The following NTM variants were observed in gnomAD, a reference collection of about 807,000 sequenced individuals.
NTM encodes neurotrimin.
In NTM, 13 loss-of-function variants were observed where a neutral mutation model predicts 42.1. That is an observed-to-expected ratio of 0.31 (90% CI 0.20 to 0.49). The LOEUF is 0.49. Among genes scored for constraint, NTM ranks in the 20% least tolerant of loss-of-function variants. NTM has a pLI of 0.99. For synonymous variants in NTM, 187 were observed against 179.2 expected, an observed-to-expected ratio of 1.04 and a Z score of -0.35; for missense variants, 373 against 452.8, an observed-to-expected ratio of 0.82 and a Z score of 1.60.
intron 1 of NTM, among the ~76,000 whole-genome samples, chr11:131,667,832 C>T (rs1487506752): frequency 6.6e-6 from 1 of 152,182 alleles, no homozygotes; most frequent in Non-Finnish European, 1.5e-5. Flanking sequence ...TGGGCCTGGG[C>T]ATCCGCAGGT....
intron 1 of NTM, among the ~76,000 whole-genome samples, chr11:131,705,126 C>T (rs1278532706): frequency 2.0e-5 from 3 of 152,136 alleles, no homozygotes; most frequent in African/African-American, 7.2e-5. Flanking sequence ...TCCATGATTC[C>T]AAAACAACCC....
At chr11:132,253,497 C>G (rs2092184265) in intron 4 of NTM, among the ~76,000 whole-genome samples, 1 of 152,192 alleles carries the variant, frequency 6.6e-6, no homozygotes, top group African/African-American at 2.4e-5. Flanking sequence ...ATAAATTTAG[C>G]AGCCTGTCTA....
intron 1 of NTM, chr11:131,661,100 T>C (rs1031294437): frequency 2.1e-5 from 25 of 1,209,456 alleles, no homozygotes; most frequent in Non-Finnish European, 2.7e-5. Context: ...GGGGGGGTCT[T>C]CCCCCTAGAT....
intron 1 of NTM, among the ~76,000 whole-genome samples, chr11:131,693,765 A>G (rs750689360): frequency 5.3e-5 from 8 of 152,118 alleles, no homozygotes; most frequent in Non-Finnish European, 8.8e-5. Flanking sequence ...TATCTTTTCA[A>G]TGAGCTGCAG....
At chr11:131,594,190 T>C (rs2059621305) in intron 1 of NTM, among the ~76,000 whole-genome samples, 1 of 152,166 alleles carries the variant, frequency 6.6e-6, no homozygotes, top group Non-Finnish European at 1.5e-5. Flanking sequence ...TCTAATTCAT[T>C]TGTCATTTGT....
intron 4 of NTM, among the ~76,000 whole-genome samples, chr11:132,220,731 A>T (rs2084974105): frequency 6.6e-6 from 1 of 152,200 alleles, no homozygotes; most frequent in South Asian, 2.1e-4. Context: ...TAAGCTATTT[A>T]TGCCTGTACT....
In NTM at chr11:132,255,551, T is replaced by C. The variant is rs2092401741; in HGVS notation, c.526+43404T>C. ...GAAAATGCCAAGAGGCAAATCTCAATTCACCTTTCAGAATGAAGCTCACTG... is the reference window on the plus strand; with the variant it reads ...GAAAATGCCAAGAGGCAAATCTCAACTCACCTTTCAGAATGAAGCTCACTG... On this transcript the variant is annotated intron_variant, in intron 4 of 8. Coordinates refer to ENST00000683400, the MANE Select transcript of NTM (RefSeq NM_001352005.2). Among the ~76,000 whole-genome samples, 3 of 152,232 alleles carry C rather than the reference T, an allele frequency of 2.0e-5. No homozygotes were observed. In the South Asian group the frequency reaches 6.2e-4, roughly 32 times the overall value.
intron 1 of NTM, among the ~76,000 whole-genome samples, chr11:131,830,169 C>G (rs1305177952): frequency 6.6e-6 from 1 of 152,128 alleles, no homozygotes; most frequent in African/African-American, 2.4e-5. Context: ...TGCAGAAACT[C>G]TTTCATTTGA....
intron 2 of NTM, among the ~76,000 whole-genome samples, chr11:131,927,449 G>A (rs1232135287): frequency 6.6e-6 from 1 of 152,228 alleles, no homozygotes; most frequent in Non-Finnish European, 1.5e-5. Context: ...AAGACTTGGA[G>A]AGTTAAGCCT....
intron 1 of NTM, among the ~76,000 whole-genome samples, chr11:131,719,873 A>G (rs1305266831): frequency 3.3e-5 from 5 of 152,160 alleles, no homozygotes; most frequent in Non-Finnish European, 1.5e-5. Context: ...AGTTGGAGAT[A>G]ATTGGAAATT....
At chr11:132,239,979 C>CCATCCAT (rs1289557623) in intron 4 of NTM, among the ~76,000 whole-genome samples, 2 of 151,400 alleles carry the variant, frequency 1.3e-5, no homozygotes, top group Non-Finnish European at 2.9e-5. Context: ...ATCCATCCAT[C>CCATCCAT]CATCCATCAT....
intron 1 of NTM, among the ~76,000 whole-genome samples, chr11:131,490,658 G>A (rs1170722567): frequency 1.3e-5 from 2 of 152,208 alleles, no homozygotes. Context: ...CTGCTTGCAA[G>A]ATTGTGGAAG....
At chr11:132,319,566 G>C (rs950069729) in intron 7 of NTM, among the ~76,000 whole-genome samples, 4 of 152,230 alleles carry the variant, frequency 2.6e-5, no homozygotes, top group Admixed American at 6.5e-5. Flanking sequence ...CAGCAAGGCT[G>C]GGGGAGGGGC....
chr11:131,686,038 A>G (rs988900755), intron 1 of NTM, among the ~76,000 whole-genome samples: 1 of 152,130 alleles, frequency 6.6e-6, no homozygotes, highest in African/African-American at 2.4e-5. Context: ...GGAACACATA[A>G]GGGGCTAAAC....
intron 1 of NTM, among the ~76,000 whole-genome samples, chr11:131,479,767 A>C (rs1200593162): frequency 6.6e-6 from 1 of 152,226 alleles, no homozygotes; most frequent in East Asian, 1.9e-4. Context: ...TGGGAGGTAA[A>C]GGTGCAGGTG....
intron 1 of NTM, among the ~76,000 whole-genome samples, chr11:131,637,570 C>T (rs947731415): frequency 2.6e-5 from 4 of 151,258 alleles, no homozygotes. Context: ...GTGAGTGAAG[C>T]CTGGCCTACC....
At chr11:131,890,121 A>C (rs2051044045) in intron 1 of NTM, among the ~76,000 whole-genome samples, 1 of 149,310 alleles carries the variant, frequency 6.7e-6, no homozygotes, top group Admixed American at 6.7e-5. Context: ...CACAGCACAC[A>C]CAGGCCCTCT....
At chr11:132,135,860 G>A (rs1229738112) in intron 2 of NTM, among the ~76,000 whole-genome samples, 2 of 152,188 alleles carry the variant, frequency 1.3e-5, no homozygotes, top group Non-Finnish European at 1.5e-5. Context: ...ATCGAGGTGA[G>A]GGAGGGCTCT....
At chr11:132,185,560 C>T (rs536000237) in intron 3 of NTM, among the ~76,000 whole-genome samples, 34 of 152,286 alleles carry the variant, frequency 2.2e-4, no homozygotes, top group Non-Finnish European at 4.6e-4. Flanking sequence ...CCTTCCCCAA[C>T]AGCTACATAA....
Sources: allele counts gnomAD v4.1 joint callset (sites outside exome capture counted in the v4.1 genomes callset), GRCh38; gene constraint gnomAD v4.1.1; transcripts MANE v1.5; gene names NCBI Gene and HGNC (gene_info 2026-07-23, HGNC 2026-07-21).